DRD2: variants seen among roughly 807,000 people sequenced by gnomAD.
DRD2 encodes dopamine receptor D2.
Under a neutral mutation model 38.0 loss-of-function variants are expected in DRD2, and 8 were observed. That is an observed-to-expected ratio of 0.21 (90% CI 0.12 to 0.38). The LOEUF (loss-of-function observed/expected upper bound fraction) is 0.38, where lower values mean the gene tolerates loss of function less well. Among genes scored for constraint, DRD2 ranks in the 10% least tolerant of loss-of-function variants. The probability of loss-of-function intolerance (pLI) is 1.00; values close to 1 mark genes in which losing one functional copy is unlikely to be tolerated. For synonymous variants in DRD2, 230 were observed against 238.6 expected (o/e 0.96, Z 0.33); for missense variants, 403 against 607.7 (o/e 0.66, Z 3.54).
intron 2 of DRD2, among the ~76,000 whole-genome samples, chr11:113,420,482 C>T (rs1316325035): frequency 6.6e-6 from 1 of 152,194 alleles, no homozygotes; most frequent in East Asian, 1.9e-4. Context: ...GTCCATAAGA[C>T]ATCTACTGTG....
chr11:113,424,851 TA>T (rs1461474566), intron 1 of DRD2, 169 bp from the exon 2 acceptor site: 4 of 668,662 alleles, frequency 6.0e-6, no homozygotes, highest in Non-Finnish European at 1.0e-5. Context: ...ACTCTTTTGC[TA>T]GCAAGTTTTT....
At position 113,410,002 on chromosome 11, in the gene DRD2, C is replaced by A. The variant is rs6278; in HGVS notation, c.*725G>T. Reference sequence around the variant, plus strand: ...ACATTGCAGGGCCGTCAGAAGGCAGCAGGGTGGGCTAGGCCAAGGAGTTCC... The same window carrying A: ...ACATTGCAGGGCCGTCAGAAGGCAGAAGGGTGGGCTAGGCCAAGGAGTTCC... On this transcript the variant is annotated 3_prime_UTR_variant, in exon 8 of 8. Transcript: ENST00000362072. 22,935 of 153,034 alleles carry A rather than the reference C, an allele frequency of 0.15. 2,374 individuals are homozygous for A. Among genetic ancestry groups the A allele is most frequent in the East Asian group, 0.4 (2,049 of 5,136 alleles). 9.5% of individuals were successfully genotyped at this position (153,034 alleles called of 1,614,324 possible).
intron 2 of DRD2, among the ~76,000 whole-genome samples, chr11:113,423,714 G>A (rs1054049565): frequency 2.0e-5 from 3 of 152,162 alleles, no homozygotes; most frequent in African/African-American, 7.2e-5. Context: ...GCAGAGCTGG[G>A]CCAAGAAATG....
chr11:113,456,200 A>G (rs187589738), intron 1 of DRD2, among the ~76,000 whole-genome samples: 3 of 152,374 alleles, frequency 2.0e-5, no homozygotes, highest in Admixed American at 1.3e-4. Flanking sequence ...ACAGAAAGAC[A>G]TTGTATGATC....
At chr11:113,431,979 G>A (rs187045221) in intron 1 of DRD2, among the ~76,000 whole-genome samples, 2 of 152,336 alleles carry the variant, frequency 1.3e-5, no homozygotes, top group East Asian at 1.9e-4. Context: ...GACAGGGAGT[G>A]GGCAGGCCTT....
intron 7 of DRD2, 56 bp downstream of exon 7, chr11:113,412,500 C>A: frequency 6.3e-7 from 1 of 1,595,220 alleles, no homozygotes; most frequent in South Asian, 1.1e-5. Flanking sequence ...AAGGACATGG[C>A]AGGGAATGGG....
intron 1 of DRD2, among the ~76,000 whole-genome samples, chr11:113,453,982 A>G (rs1421714419): frequency 1.3e-5 from 2 of 152,186 alleles, no homozygotes; most frequent in Non-Finnish European, 2.9e-5. Flanking sequence ...AACTAGTATT[A>G]ACAGAGAACC....
At chr11:113,441,338 A>G (rs1951089981) in intron 1 of DRD2, among the ~76,000 whole-genome samples, 2 of 152,214 alleles carry the variant, frequency 1.3e-5, no homozygotes, top group African/African-American at 4.8e-5. Flanking sequence ...CAGCCCAGCA[A>G]TGGAGAGTTG....
chr11:113,423,553 C>T (rs1030625770), intron 2 of DRD2, among the ~76,000 whole-genome samples: 28 of 152,154 alleles, frequency 1.8e-4, no homozygotes, highest in East Asian at 3.9e-4. Context: ...GGATTACAGG[C>T]GTGAGCCACC....
At chr11:113,464,374 C>G (rs1439440305) in intron 1 of DRD2, among the ~76,000 whole-genome samples, 1 of 152,190 alleles carries the variant, frequency 6.6e-6, no homozygotes. Flanking sequence ...CTCATAAAGA[C>G]TCTGTTCCTT....
At chr11:113,456,428 C>CA (rs1330927170) in intron 1 of DRD2, among the ~76,000 whole-genome samples, 3 of 152,066 alleles carry the variant, frequency 2.0e-5, no homozygotes, top group Non-Finnish European at 4.4e-5. Context: ...GTTCTCACCA[C>CA]AAAAAAATGA....
At chr11:113,449,509 G>A (rs543642047) in intron 1 of DRD2, among the ~76,000 whole-genome samples, 13 of 152,278 alleles carry the variant, frequency 8.5e-5, no homozygotes, top group African/African-American at 3.1e-4. Context: ...TCCAACATGA[G>A]CAGATCATGT....
At chr11:113,422,094 C>T (rs1296359117) in intron 2 of DRD2, among the ~76,000 whole-genome samples, 1 of 152,138 alleles carries the variant, frequency 6.6e-6, no homozygotes, top group East Asian at 1.9e-4. Flanking sequence ...AGAAGCCATG[C>T]CCAGAGCCCT....
chr11:113,410,682 G>A lies in DRD2; in HGVS notation c.*45C>T. The A allele has an allele frequency of 1.2e-6, 2 of 1,612,602 alleles. No homozygotes were observed. The highest frequency in any genetic ancestry group is 1.7e-6 in the Non-Finnish European group (2 of 1,179,196). ...CGCAAGGGTGAGGCTGGCCGGCCTG[G>A]GCAGGGAGGTGGGAAGCAGGCTGCT... On this transcript the variant is annotated 3_prime_UTR_variant, in exon 8 of 8. Coordinates refer to ENST00000362072, the MANE Select transcript of DRD2 (RefSeq NM_000795.4).
At chr11:113,438,132 G>A (rs1056433778) in intron 1 of DRD2, among the ~76,000 whole-genome samples, 2 of 152,152 alleles carry the variant, frequency 1.3e-5, no homozygotes, top group Non-Finnish European at 2.9e-5. Context: ...CCAGGATACA[G>A]AGGAGTCACT....
At chr11:113,449,483 G>C (rs561294918) in intron 1 of DRD2, among the ~76,000 whole-genome samples, 45 of 152,294 alleles carry the variant, frequency 3.0e-4, no homozygotes, top group African/African-American at 1.0e-3. Flanking sequence ...AGTGAGTTGG[G>C]AACTGTAGGC....
intron 3 of DRD2, 124 bp downstream of exon 3, chr11:113,417,902 AC>A: frequency 4.0e-6 from 3 of 758,106 alleles, no homozygotes; most frequent in Non-Finnish European, 6.9e-6. Context: ...AAACACATGG[AC>A]CCCCATGCAC....
chr11:113,460,751 G>A (rs1275930563), intron 1 of DRD2, among the ~76,000 whole-genome samples: 1 of 152,254 alleles, frequency 6.6e-6, no homozygotes, highest in African/African-American at 2.4e-5. Flanking sequence ...GTGGGGAGAT[G>A]CTGCAGAGGG....
At chr11:113,451,042 C>T (rs1421032427) in intron 1 of DRD2, among the ~76,000 whole-genome samples, 1 of 152,222 alleles carries the variant, frequency 6.6e-6, no homozygotes, top group African/African-American at 2.4e-5. Flanking sequence ...TCAGTTCCTT[C>T]TCACAGTGGG....
Sources: allele counts gnomAD v4.1 joint callset (sites outside exome capture counted in the v4.1 genomes callset), GRCh38; gene constraint gnomAD v4.1.1; transcripts MANE v1.5; gene names NCBI Gene and HGNC (gene_info 2026-07-23, HGNC 2026-07-21).